SLC30A8: variants seen among roughly 807,000 people sequenced by gnomAD.
SLC30A8 encodes the protein proton-coupled zinc antiporter SLC30A8.
A neutral mutation model predicts 36.9 loss-of-function variants in SLC30A8; 27 were observed. The ratio of observed to expected loss-of-function variants is 0.73; its 90% confidence interval spans 0.54 to 1.01. The LOEUF (loss-of-function observed/expected upper bound fraction) is 1.01. SLC30A8 is among the 50% of genes least tolerant of loss of function. The probability of loss-of-function intolerance (pLI) is 0.00; values close to 1 mark genes in which losing one functional copy is unlikely to be tolerated. For missense variants in SLC30A8, 439 were observed against 452.0 expected (o/e 0.97, Z 0.26); for synonymous variants, 164 against 172.4 (o/e 0.95, Z 0.38).
chr8:117,097,414 A>ATATATATAT (rs1563593781), intron 2 of SLC30A8, among the ~76,000 whole-genome samples: 2 of 120,006 alleles, frequency 1.7e-5, no homozygotes, highest in African/African-American at 7.2e-5. Flanking sequence ...AAAAAAAAAA[A>ATATATATAT]AAAAATATAT....
At chr8:117,008,905 C>G (rs1371790425) in intron 1 of SLC30A8, among the ~76,000 whole-genome samples, 1 of 152,082 alleles carries the variant, frequency 6.6e-6, no homozygotes, top group Admixed American at 6.6e-5. Flanking sequence ...TTAGGTAGGC[C>G]CACATCCGGA....
chr8:117,032,862 C>G (rs1017982050), intron 1 of SLC30A8, among the ~76,000 whole-genome samples: 5 of 151,732 alleles, frequency 3.3e-5, no homozygotes, highest in Admixed American at 3.3e-4. Context: ...TGCACTCCAG[C>G]CTGGGTGACA....
intron 2 of SLC30A8, among the ~76,000 whole-genome samples, chr8:117,055,300 G>A (rs1414485440): frequency 6.6e-6 from 1 of 152,194 alleles, no homozygotes; most frequent in Non-Finnish European, 1.5e-5. Flanking sequence ...GAGCCCAAAG[G>A]TTCTGCAATG....
intron 1 of SLC30A8, among the ~76,000 whole-genome samples, chr8:117,027,679 G>A (rs1344267984): frequency 6.6e-6 from 1 of 152,140 alleles, no homozygotes; most frequent in African/African-American, 2.4e-5. Flanking sequence ...CTATACTCTA[G>A]TCTCACTGTG....
chr8:117,098,242 A>G (rs183377584), intron 2 of SLC30A8, among the ~76,000 whole-genome samples: 132 of 151,688 alleles, frequency 8.7e-4, no homozygotes, highest in Non-Finnish European at 1.4e-3. Context: ...CTATGAATAC[A>G]TGCTTGGTAG....
At chr8:116,951,609 G>C (rs1299242592) in intron 1 of SLC30A8, among the ~76,000 whole-genome samples, 1 of 151,860 alleles carries the variant, frequency 6.6e-6, no homozygotes, top group Non-Finnish European at 1.5e-5. Context: ...CCGCCGTCTA[G>C]ACTACAAGCA....
At chr8:117,158,867 C>T (rs1337498672) in intron 4 of SLC30A8, among the ~76,000 whole-genome samples, 1 of 152,184 alleles carries the variant, frequency 6.6e-6, no homozygotes, top group Non-Finnish European at 1.5e-5. Context: ...AACATCCTAA[C>T]CCCTGGAACT....
intron 1 of SLC30A8, among the ~76,000 whole-genome samples, chr8:116,955,228 T>A (rs531367202): frequency 6.6e-6 from 1 of 152,276 alleles, no homozygotes; most frequent in African/African-American, 2.4e-5. Context: ...GGAAATAGGG[T>A]CTTTGCAGAT....
At chr8:116,991,490 A>C (rs1041879205) in intron 1 of SLC30A8, among the ~76,000 whole-genome samples, 22 of 152,156 alleles carry the variant, frequency 1.4e-4, no homozygotes, top group African/African-American at 4.8e-4. Context: ...TTTTTAGTAG[A>C]GACGGGGTTT....
chr8:117,074,954 G>GA (rs1395448542), intron 2 of SLC30A8, among the ~76,000 whole-genome samples: 3 of 152,080 alleles, frequency 2.0e-5, no homozygotes, highest in African/African-American at 7.2e-5. Context: ...GAACGTCTTG[G>GA]AATTATGCAT....
intron 1 of SLC30A8, among the ~76,000 whole-genome samples, chr8:116,953,416 C>G (rs1814069458): frequency 6.6e-6 from 1 of 151,908 alleles, no homozygotes; most frequent in Non-Finnish European, 1.5e-5. Context: ...AATTATTGTT[C>G]CATGCTGAGT....
chr8:117,077,035 T>C (rs1818511683), intron 2 of SLC30A8, among the ~76,000 whole-genome samples: 1 of 152,244 alleles, frequency 6.6e-6, no homozygotes, highest in Non-Finnish European at 1.5e-5. Flanking sequence ...TTTGAAGACC[T>C]ACTGGAATGT....
intron 1 of SLC30A8, among the ~76,000 whole-genome samples, chr8:116,956,956 A>G (rs993079727): frequency 6.6e-6 from 1 of 152,222 alleles, no homozygotes; most frequent in Admixed American, 6.5e-5. Flanking sequence ...TTTTCATTTA[A>G]TAAGTGACAT....
intron 7 of SLC30A8, among the ~76,000 whole-genome samples, chr8:117,172,227 A>C (rs188485295): frequency 6.6e-6 from 1 of 152,258 alleles, no homozygotes; most frequent in East Asian, 1.9e-4. Context: ...ATAAGAAATA[A>C]TAGTTCTGTC....
At chr8:117,146,049 G>T (rs1398324781) in intron 1 of SLC30A8, among the ~76,000 whole-genome samples, 1 of 152,046 alleles carries the variant, frequency 6.6e-6, no homozygotes, top group African/African-American at 2.4e-5. Flanking sequence ...TCTGGTGTTT[G>T]ATAGATCTGT....
In SLC30A8 at chr8:117,162,611, T is replaced by C. The variant is rs541000231; in HGVS notation, c.723+723T>C. 5.9e-5 allele frequency among the ~76,000 whole-genome samples: 9 copies of C among 152,260 alleles called. No individual in the cohort carries two copies. The South Asian group carries it at 1.0e-3, about 18-fold the overall frequency. On this transcript the variant is annotated intron_variant, in intron 5 of 7. Coordinates refer to ENST00000456015, the MANE Select transcript of SLC30A8 (RefSeq NM_173851.3). Reference sequence around the variant, plus strand: ...GCTCTGTCTGTTTGCATCACAATTGTCTGATTTGCAGAGACTCACAGCTTT... The same window carrying C: ...GCTCTGTCTGTTTGCATCACAATTGCCTGATTTGCAGAGACTCACAGCTTT...
intron 3 of SLC30A8, among the ~76,000 whole-genome samples, chr8:117,156,418 A>G (rs1376024593): frequency 5.3e-5 from 8 of 152,208 alleles, no homozygotes; most frequent in African/African-American, 1.9e-4. Flanking sequence ...TGTTTTACAT[A>G]TATTCTATTA....
At chr8:117,118,527 G>C (rs1245876660) in intron 2 of SLC30A8, among the ~76,000 whole-genome samples, 2 of 151,736 alleles carry the variant, frequency 1.3e-5, no homozygotes, top group Admixed American at 6.6e-5. Flanking sequence ...AATCTTCTAA[G>C]ATCAATAGCT....
Position 117,176,426 on chromosome 8 carries a change from CTG to C in SLC30A8, c.*3747_*3748del. 6.6e-6 allele frequency: 1 copy of C among 152,456 alleles called. No homozygotes were observed. Among genetic ancestry groups the C allele is most frequent in the East Asian group, 1.9e-4 (1 of 5,160 alleles). The allele number at this position is 152,456 out of a possible 1,614,324, so 9.4% of individuals were successfully genotyped here. A position where few individuals can be genotyped will look rare whatever the true frequency, so the allele number is the denominator to read the frequency against. ...TCCCTGTTTTGGATCACAGGGCAAT[CTG>C]TTTAAATGACTAATTACAGAAATCA... On this transcript the variant is annotated 3_prime_UTR_variant, in exon 8 of 8. Coordinates refer to ENST00000456015, the MANE Select transcript of SLC30A8 (RefSeq NM_173851.3).
Sources: gnomAD v4.1 joint callset for allele counts (sites outside exome capture counted in the v4.1 genomes callset) on GRCh38, gnomAD v4.1.1 for gene constraint, MANE v1.5 for transcripts, NCBI Gene and HGNC (gene_info 2026-07-23, HGNC 2026-07-21) for gene names.